Variants in OTUD7B observed in about 807,000 individuals in gnomAD.
The protein encoded by OTUD7B is OTU deubiquitinase 7B.
Under a neutral mutation model 82.2 loss-of-function variants are expected in OTUD7B, and 34 were observed. The observed-to-expected ratio is 0.41, with a 90% confidence interval of 0.31 to 0.55. The LOEUF (loss-of-function observed/expected upper bound fraction) is 0.55, where lower values mean the gene tolerates loss of function less well. Ranked by LOEUF, OTUD7B falls within the 20% of genes least tolerant of loss-of-function variation. OTUD7B has a pLI of 0.20. For missense variants in OTUD7B, 944 were observed against 1,062.1 expected, an observed-to-expected ratio of 0.89 and a Z score of 1.55; for synonymous variants, 398 against 402.7, an observed-to-expected ratio of 0.99 and a Z score of 0.14.
chr1:150,040,402 C>A, the OTUD7B span, among the ~76,000 whole-genome samples: 1 of 152,138 alleles, frequency 6.6e-6, no homozygotes, highest in Non-Finnish European at 1.5e-5. Flanking sequence ...TGATTCCTAC[C>A]CTCATGGAGC....
intron 7 of OTUD7B, among the ~76,000 whole-genome samples, chr1:149,952,047 G>T (rs370510088): frequency 6.6e-6 from 1 of 151,564 alleles, no homozygotes; most frequent in East Asian, 1.9e-4. Context: ...TGCTGCTCCT[G>T]CACTAATTTT....
the OTUD7B span, among the ~76,000 whole-genome samples, chr1:150,049,329 T>C: frequency 3.9e-5 from 6 of 152,280 alleles, no homozygotes; most frequent in Non-Finnish European, 8.8e-5. Context: ...AACTACTATA[T>C]CACCAGGAAA....
At chr1:149,981,656 T>C (rs1650739269) in intron 1 of OTUD7B, among the ~76,000 whole-genome samples, 1 of 152,222 alleles carries the variant, frequency 6.6e-6, no homozygotes, top group South Asian at 2.1e-4. Context: ...TATCAGTACT[T>C]GCTTGTACCT....
chr1:150,010,014 G>T (rs781990547), intron 1 of OTUD7B, among the ~76,000 whole-genome samples: 2 of 151,930 alleles, frequency 1.3e-5, no homozygotes, highest in African/African-American at 2.4e-5. Context: ...CCTTAGTTTG[G>T]CTATCAATAG....
chr1:150,052,672 A>G, the OTUD7B span, among the ~76,000 whole-genome samples: 1 of 152,202 alleles, frequency 6.6e-6, no homozygotes, highest in African/African-American at 2.4e-5. Context: ...AACTATTTTA[A>G]AATTCATATG....
At chr1:150,056,556 C>A in the OTUD7B span, among the ~76,000 whole-genome samples, 2 of 152,116 alleles carry the variant, frequency 1.3e-5, no homozygotes, top group African/African-American at 4.8e-5. Flanking sequence ...GCGTTATTTT[C>A]TCCATTTACA....
intron 1 of OTUD7B, among the ~76,000 whole-genome samples, chr1:150,009,602 A>C (rs958717682): frequency 6.6e-5 from 10 of 152,204 alleles, no homozygotes; most frequent in African/African-American, 2.4e-4. Context: ...AAATTCCACC[A>C]GTCAGTTTCT....
intron 1 of OTUD7B, among the ~76,000 whole-genome samples, chr1:149,993,850 A>G (rs1238894892): frequency 2.0e-5 from 3 of 152,218 alleles, no homozygotes; most frequent in Admixed American, 2.0e-4. Context: ...AGATGCTTCC[A>G]ATAGAATGTA....
At chr1:150,052,472 A>G in the OTUD7B span, among the ~76,000 whole-genome samples, 1 of 152,210 alleles carries the variant, frequency 6.6e-6, no homozygotes, top group Non-Finnish European at 1.5e-5. Flanking sequence ...GAGGTGAAAG[A>G]TCTCTACAAT....
At chr1:150,039,387 A>AATT in the OTUD7B span, among the ~76,000 whole-genome samples, 821 of 151,102 alleles carry the variant, frequency 5.4e-3, 4 homozygotes, top group African/African-American at 0.019. Flanking sequence ...TAAAAAAAAA[A>AATT]TTTTTTTTGA....
At chr1:149,969,921 C>T (rs1476579293) in intron 3 of OTUD7B, among the ~76,000 whole-genome samples, 2 of 151,976 alleles carry the variant, frequency 1.3e-5, no homozygotes, top group African/African-American at 4.8e-5. Flanking sequence ...AGGCTGGTCT[C>T]GAACTCCTGA....
At chr1:150,038,948 T>C in the OTUD7B span, among the ~76,000 whole-genome samples, 1 of 152,202 alleles carries the variant, frequency 6.6e-6, no homozygotes, top group Admixed American at 6.5e-5. Flanking sequence ...ACTAATGGTC[T>C]GAACACCTCT....
At chr1:150,033,768 C>A in the OTUD7B span, among the ~76,000 whole-genome samples, 1 of 152,144 alleles carries the variant, frequency 6.6e-6, no homozygotes, top group East Asian at 1.9e-4. Context: ...TGTCACCAGA[C>A]TGGAGTATAG....
intron 9 of OTUD7B, 29 bp from the exon 10 acceptor site, chr1:149,949,112 A>AG: frequency 1.5e-6 from 2 of 1,357,044 alleles, no homozygotes; most frequent in Non-Finnish European, 2.1e-6. Flanking sequence ...ATCATCAAGG[A>AG]ATCTCCTTAA....
intron 1 of OTUD7B, among the ~76,000 whole-genome samples, chr1:150,001,920 G>C (rs1268257045): frequency 6.6e-6 from 1 of 152,182 alleles, no homozygotes; most frequent in Non-Finnish European, 1.5e-5. Flanking sequence ...TAAGGACTTA[G>C]AGGATGCCCT....
Position 149,965,762 on chromosome 1 carries a change from G to A in OTUD7B, c.604+15C>T. 3 of 1,586,868 alleles carry A rather than the reference G, an allele frequency of 1.9e-6. No individual in the cohort carries two copies. The South Asian group carries it at 3.3e-5, about 18-fold the overall frequency. ...CCTTTCTGCAGGTGAATGGAGGACTGCTTTCAAGACTCACCAAGGGAGGCT... is the reference window on the plus strand; with the variant it reads ...CCTTTCTGCAGGTGAATGGAGGACTACTTTCAAGACTCACCAAGGGAGGCT... On this transcript the variant is annotated intron_variant, in intron 5 of 11. Transcript: ENST00000581312.
intron 4 of OTUD7B, among the ~76,000 whole-genome samples, chr1:149,966,830 T>C (rs1559842300): frequency 6.6e-6 from 1 of 152,226 alleles, no homozygotes; most frequent in Non-Finnish European, 1.5e-5. Context: ...ACAAGCATTT[T>C]AATGCCTGAT....
At chr1:150,034,000 G>A in the OTUD7B span, among the ~76,000 whole-genome samples, 5 of 152,078 alleles carry the variant, frequency 3.3e-5, no homozygotes, top group African/African-American at 4.8e-5. Context: ...GATTACAGGC[G>A]TGAGCCACCG....
intron 1 of OTUD7B, among the ~76,000 whole-genome samples, chr1:150,010,206 G>C (rs1250439792): frequency 2.6e-5 from 4 of 151,930 alleles, no homozygotes; most frequent in African/African-American, 9.7e-5. Flanking sequence ...AAGGGAGGCC[G>C]GGAGCTGGAG....
Sources: allele counts gnomAD v4.1 joint callset (sites outside exome capture counted in the v4.1 genomes callset), GRCh38; gene constraint gnomAD v4.1.1; transcripts MANE v1.5; gene names NCBI Gene and HGNC (gene_info 2026-07-23, HGNC 2026-07-21).